The following TGM3 variants were observed in gnomAD, a reference collection of about 807,000 sequenced individuals.
TGM3 encodes the protein transglutaminase 3, also known as protein-glutamine gamma-glutamyltransferase E.
TGM3 carries 52 observed loss-of-function variants against 73.8 expected under a neutral mutation model. That is an observed-to-expected ratio of 0.70 (90% CI 0.56 to 0.89). The LOEUF is 0.89. Among genes scored for constraint, TGM3 ranks in the 40% least tolerant of loss-of-function variants. TGM3 has a pLI of 0.00. For missense variants in TGM3, 928 were observed against 909.9 expected, an observed-to-expected ratio of 1.02 and a Z score of -0.26; for synonymous variants, 372 against 354.9, an observed-to-expected ratio of 1.05 and a Z score of -0.54.
intron 1 of TGM3, among the ~76,000 whole-genome samples, chr20:2,297,959 G>T (rs2084120130): frequency 6.6e-6 from 1 of 152,170 alleles, no homozygotes; most frequent in South Asian, 2.1e-4. Flanking sequence ...TACAAAACAA[G>T]TGCTACGGGG....
At chr20:2,315,193 C>A (rs2084226891) in intron 5 of TGM3, among the ~76,000 whole-genome samples, 1 of 152,168 alleles carries the variant, frequency 6.6e-6, no homozygotes, top group South Asian at 2.1e-4. Flanking sequence ...TCACTCGCAC[C>A]CCAGGGCCAA....
rs187619899 is a variant in TGM3 at position 2,318,656 on chromosome 20, C to T, written c.983+1171C>T. 5.1e-4 allele frequency among the ~76,000 whole-genome samples: 77 copies of T among 152,320 alleles called. 1 individual carries two copies. In the Middle Eastern group the frequency reaches 0.02, roughly 40 times the overall value. On this transcript the variant is annotated intron_variant, in intron 7 of 12. Transcript: ENST00000381458. ...TTTAATCCATTTCAAAGGCTACACA[C>T]ACACATAATTGCTCACATGCATGTA...
chr20:2,300,260 AG>A (rs2084138037), intron 1 of TGM3, among the ~76,000 whole-genome samples: 1 of 151,710 alleles, frequency 6.6e-6, no homozygotes, highest in East Asian at 1.9e-4. Context: ...AAGAAAAGAG[AG>A]GAGAAGAGAA....
intron 4 of TGM3, 35 bp downstream of exon 4, chr20:2,311,164 C>T (rs1267711693): frequency 1.3e-6 from 2 of 1,554,548 alleles, no homozygotes; most frequent in South Asian, 1.1e-5. Context: ...GGGTAATGTC[C>T]CTGTTACCCA....
At position 2,332,348 on chromosome 20, in the gene TGM3, G is replaced by A. The variant is rs11907640; in HGVS notation, c.1642+38G>A. On this transcript the variant is annotated intron_variant, in intron 10 of 12. Transcript: ENST00000381458. The surrounding 1 kb of genome is among the most constrained non-coding windows in gnomAD (Gnocchi z 4.4). ...GCAGTTGGAGGAGATCCACGAATCC[G>A]AGGTAGCCAATGGCCTTCTGGGGCT... 2,231 of 1,527,262 alleles carry A rather than the reference G, an allele frequency of 1.5e-3. 20 individuals carry two copies. The African/African-American group carries it at 0.023, about 16-fold the overall frequency. 94.6% of individuals were successfully genotyped at this position (1,527,262 alleles called of 1,614,324 possible). A position where few individuals can be genotyped will look rare whatever the true frequency, so the allele number is the denominator to read the frequency against.
intron 8 of TGM3, among the ~76,000 whole-genome samples, chr20:2,327,612 A>G (rs2084295587): frequency 1.3e-5 from 2 of 152,214 alleles, no homozygotes; most frequent in Admixed American, 6.5e-5. Context: ...AAAAAAGCTG[A>G]AAGTCACTGA....
At chr20:2,336,937 C>T (rs8119589) in intron 11 of TGM3, among the ~76,000 whole-genome samples, 3,244 of 152,142 alleles carry the variant, frequency 0.021, 116 homozygotes, top group African/African-American at 0.073. Context: ...AAATTAGGCT[C>T]CCAAATTCAT....
intron 5 of TGM3, among the ~76,000 whole-genome samples, chr20:2,313,589 A>G (rs1043532144): frequency 6.6e-6 from 1 of 152,156 alleles, no homozygotes; most frequent in Non-Finnish European, 1.5e-5. Context: ...CAAGGCCTCC[A>G]TGGAAAAGGC....
chr20:2,316,895 G>C lies in TGM3; in HGVS notation c.670-173G>C, dbSNP rs554428139. 3.9e-5 allele frequency among the ~76,000 whole-genome samples: 6 copies of C among 152,246 alleles called. No individual in the cohort carries two copies. The South Asian group carries it at 8.3e-4, about 21-fold the overall frequency. On this transcript the variant is annotated intron_variant, in intron 5 of 12. Transcript: ENST00000381458. ...TCGTAAACCACTCCATACCCCTAAG[G>C]GTTAAGTGTTACAATGATCATCCCC...
At chr20:2,319,559 C>T (rs995355859) in intron 7 of TGM3, among the ~76,000 whole-genome samples, 3 of 152,174 alleles carry the variant, frequency 2.0e-5, no homozygotes, top group Admixed American at 2.0e-4. Flanking sequence ...CACTGCCCCC[C>T]ACATCAGCTT....
chr20:2,312,273 G>GCA (rs2084208457), intron 4 of TGM3, among the ~76,000 whole-genome samples: 1 of 151,860 alleles, frequency 6.6e-6, no homozygotes, highest in Admixed American at 6.6e-5. Flanking sequence ...GGTGGCACGG[G>GCA]CCTGTAATCC....
At chr20:2,325,017 G>T (rs2084278772) in intron 7 of TGM3, among the ~76,000 whole-genome samples, 1 of 152,148 alleles carries the variant, frequency 6.6e-6, no homozygotes, top group African/African-American at 2.4e-5. Flanking sequence ...AAATATATGA[G>T]TCTCTTCCTT....
At position 2,313,388 on chromosome 20, in the gene TGM3, G is replaced by T. The variant is rs45494901; in HGVS notation, c.669+362G>T. On this transcript the variant is annotated intron_variant, in intron 5 of 12. Transcript: ENST00000381458. ...GCTCTGCTCCATCATTGGGCCTCCTGGGAAAGGAAGCGAGACCCTGATTGA... is the reference window on the plus strand; with the variant it reads ...GCTCTGCTCCATCATTGGGCCTCCTTGGAAAGGAAGCGAGACCCTGATTGA... 5.5e-3 allele frequency among the ~76,000 whole-genome samples: 843 copies of T among 152,310 alleles called. 4 individuals are homozygous for T. Among genetic ancestry groups the T allele is most frequent in the African/African-American group, 0.019 (781 of 41,552 alleles).
intron 7 of TGM3, among the ~76,000 whole-genome samples, chr20:2,318,317 C>T (rs1012199084): frequency 2.6e-5 from 4 of 152,134 alleles, no homozygotes; most frequent in African/African-American, 9.7e-5. Flanking sequence ...CTGCACCCGG[C>T]CAAAATGTTT....
In TGM3 at chr20:2,310,516, A is replaced by T. The variant is rs2084198180; in HGVS notation, c.421+99A>T. On this transcript the variant is annotated intron_variant, in intron 3 of 12. Transcript: ENST00000381458. The stretch of plus-strand genomic sequence containing the variant: ...TTCACAGGCTCAAGTTTGATTAGGG[A>T]AAGTCCATGGGCTGTGGAAAGGGCG... The T allele has an allele frequency of 3.2e-6, 5 of 1,539,944 alleles. No individual in the cohort carries two copies. The African/African-American group carries it at 6.9e-5, about 21-fold the overall frequency.
At chr20:2,296,802 G>T (rs2084111052) in intron 1 of TGM3, among the ~76,000 whole-genome samples, 1 of 152,164 alleles carries the variant, frequency 6.6e-6, no homozygotes, top group South Asian at 2.1e-4. Context: ...CAGCACCCCT[G>T]CTAAGCAGCA....
chr20:2,332,331 AG>A lies in TGM3; in HGVS notation c.1642+23del. 6.4e-7 allele frequency: 1 copy of A among 1,553,208 alleles called. No homozygotes were observed. Among genetic ancestry groups the A allele is most frequent in the African/African-American group, 1.4e-5 (1 of 73,482 alleles). On this transcript the variant is annotated intron_variant, in intron 10 of 12. Transcript: ENST00000381458. The surrounding 1 kb of genome is among the most constrained non-coding windows in gnomAD (Gnocchi z 4.4). ...GGAAGGTAACGCATCCCGCAGTTGG[AG>A]GAGATCCACGAATCCGAGGTAGCCA... is the stretch of plus-strand genomic sequence containing the variant.
chr20:2,314,530 T>TACACACACACACAC (rs11473649), intron 5 of TGM3, among the ~76,000 whole-genome samples: 41 of 136,798 alleles, frequency 3.0e-4, no homozygotes, highest in African/African-American at 1.0e-3. Flanking sequence ...CATCTACACA[T>TACACACACACACAC]ACACACACAC....
rs2084136671 is a variant in TGM3, at chr20:2,300,205, AAG to A, written c.7+4137_7+4138del. Among the ~76,000 whole-genome samples, 3 of 142,528 alleles carry A rather than the reference AAG, an allele frequency of 2.1e-5. No individual in the cohort carries two copies. The Admixed American group carries it at 2.3e-4, about 11-fold the overall frequency. 93.5% of individuals were successfully genotyped at this position (142,528 alleles called of 152,430 possible). A position where few individuals can be genotyped will look rare whatever the true frequency, so the allele number is the denominator to read the frequency against. ...AGAAAGAGAAAGAAATAGAAAGAGAAAGAAAGAAAGAGAAGAAAGAAAGAAAG... is the reference window on the plus strand; with the variant it reads ...AGAAAGAGAAAGAAATAGAAAGAGAAAAAGAAAGAGAAGAAAGAAAGAAAG... On this transcript the variant is annotated intron_variant, in intron 1 of 12. Coordinates refer to ENST00000381458, the MANE Select transcript of TGM3 (RefSeq NM_003245.4).
Sources: gnomAD v4.1 joint callset for allele counts (sites outside exome capture counted in the v4.1 genomes callset) on GRCh38, gnomAD v4.1.1 for gene constraint, Gnocchi (gnomAD v3.1) non-coding constraint, MANE v1.5 for transcripts, NCBI Gene and HGNC (gene_info 2026-07-23, HGNC 2026-07-21) for gene names.